Variants in LRRC49 observed in about 807,000 individuals in gnomAD.
The protein encoded by LRRC49 is leucine rich repeat containing 49, also known as leucine-rich repeat-containing protein 49.
A neutral mutation model predicts 83.3 loss-of-function variants in LRRC49; 50 were observed. The ratio of observed to expected loss-of-function variants is 0.60; its 90% CI spans 0.48 to 0.76. The LOEUF is 0.76. Ranked by LOEUF, LRRC49 falls within the 30% of genes least tolerant of loss-of-function variation. The probability of loss-of-function intolerance (pLI) is 0.00; values close to 1 mark genes in which losing one functional copy is unlikely to be tolerated. For synonymous variants in LRRC49, 286 were observed against 283.3 expected (o/e 1.01, Z -0.10); for missense variants, 704 against 809.1 (o/e 0.87, Z 1.58).
chr15:70,958,286 G>A (rs2141189862), intron 8 of LRRC49, among the ~76,000 whole-genome samples: 1 of 152,076 alleles, frequency 6.6e-6, no homozygotes, highest in East Asian at 1.9e-4. Flanking sequence ...ATTAATTTGT[G>A]ATTTTTCTAA....
At chr15:71,037,678 G>T (rs2039567688) in intron 15 of LRRC49, among the ~76,000 whole-genome samples, 1 of 152,162 alleles carries the variant, frequency 6.6e-6, no homozygotes, top group African/African-American at 2.4e-5. Context: ...TAGGTACTTA[G>T]CCACATCATG....
At chr15:70,904,853 G>A in intron 5 of LRRC49, 98 bp downstream of exon 5, 1 of 881,240 alleles carries the variant, frequency 1.1e-6, no homozygotes, top group Non-Finnish European at 1.7e-6. Flanking sequence ...AAATGAATAG[G>A]CTAAAATTTT....
At chr15:70,866,082 C>T (rs2032903713) in intron 1 of LRRC49, among the ~76,000 whole-genome samples, 3 of 152,004 alleles carry the variant, frequency 2.0e-5, no homozygotes, top group Admixed American at 2.0e-4. Flanking sequence ...ACTCTAATCT[C>T]ATTGTATCCC....
At chr15:70,856,702 T>G (rs146808357) in intron 1 of LRRC49, among the ~76,000 whole-genome samples, 59 of 152,202 alleles carry the variant, frequency 3.9e-4, no homozygotes, top group African/African-American at 1.4e-3. Flanking sequence ...GAAGTCCAAC[T>G]CGATCACGTT....
chr15:71,049,774 G>GA lies in LRRC49; in HGVS notation c.*164dup, dbSNP rs2039965320. 3 of 570,810 alleles carry GA rather than the reference G, an allele frequency of 5.3e-6. No individual in the cohort carries two copies. In the Admixed American group the frequency reaches 1.0e-4, roughly 20 times the overall value. 35.4% of individuals were successfully genotyped at this position (570,810 alleles called of 1,614,324 possible). On this transcript the variant is annotated 3_prime_UTR_variant, in exon 16 of 16. Transcript: ENST00000260382. ...GTTCTCATAGCTAAAAGTTAAGAAG[G>GA]AAGGAAGGAAAGCAGGAGAAAGGAA...
At chr15:70,943,356 G>C (rs1442369341) in intron 8 of LRRC49, among the ~76,000 whole-genome samples, 1 of 152,182 alleles carries the variant, frequency 6.6e-6, no homozygotes, top group Non-Finnish European at 1.5e-5. Context: ...GCAAGTTTTA[G>C]AGCAGGAGTG....
chr15:70,985,150 T>C (rs2037557464), intron 11 of LRRC49, among the ~76,000 whole-genome samples: 1 of 150,456 alleles, frequency 6.6e-6, no homozygotes, highest in East Asian at 2.0e-4. Flanking sequence ...TACCCAGTAA[T>C]GGGATGGCTG....
chr15:70,946,070 T>C (rs544668300), intron 8 of LRRC49, among the ~76,000 whole-genome samples: 2 of 152,282 alleles, frequency 1.3e-5, no homozygotes, highest in East Asian at 3.9e-4. Flanking sequence ...CCTCACATAC[T>C]TATCTTTTTT....
chr15:70,923,304 A>G, intron 7 of LRRC49, among the ~76,000 whole-genome samples: 1 of 151,868 alleles, frequency 6.6e-6, no homozygotes, highest in East Asian at 1.9e-4. Context: ...TTACTTATTT[A>G]TTGCCTGGTA....
chr15:70,882,370 G>T, intron 2 of LRRC49: 3 of 1,225,040 alleles, frequency 2.4e-6, no homozygotes, highest in Non-Finnish European at 3.4e-6. Flanking sequence ...ATCTTGAAGT[G>T]AAAGATTTAC....
chr15:71,031,585 G>A (rs770945077), intron 14 of LRRC49, among the ~76,000 whole-genome samples: 5 of 152,188 alleles, frequency 3.3e-5, no homozygotes, highest in Non-Finnish European at 7.3e-5. Flanking sequence ...AGGCAGGAAC[G>A]ATTAAATCCA....
chr15:70,916,406 T>G (rs886772742), intron 6 of LRRC49, among the ~76,000 whole-genome samples: 2 of 152,186 alleles, frequency 1.3e-5, no homozygotes, highest in Non-Finnish European at 2.9e-5. Flanking sequence ...GTGATTCTCT[T>G]GCCTTAGCCT....
chr15:70,857,013 T>C (rs1177553905), intron 1 of LRRC49, among the ~76,000 whole-genome samples: 7 of 152,186 alleles, frequency 4.6e-5, no homozygotes, highest in Non-Finnish European at 1.0e-4. Flanking sequence ...CTGAGATGAT[T>C]AGCAAAGCCT....
rs1365960329 is a variant in LRRC49 at position 71,050,338 on chromosome 15, G to A, written c.*726G>A. 6.6e-6 allele frequency: 1 copy of A among 152,176 alleles called. No individual in the cohort carries two copies. The highest frequency in any genetic ancestry group is 1.5e-5 in the Non-Finnish European group (1 of 68,020). The allele number at this position is 152,176 out of a possible 1,614,324, so 9.4% of individuals were successfully genotyped here. A position where few individuals can be genotyped will look rare whatever the true frequency, so the allele number is the denominator to read the frequency against. On this transcript the variant is annotated 3_prime_UTR_variant, in exon 16 of 16. Transcript: ENST00000260382. ...AATGCTGTTACAAAGCAGTAAATCTGCTTCTCTGAAAGATGTTTCCTTCCA... is the reference window on the plus strand; with the variant it reads ...AATGCTGTTACAAAGCAGTAAATCTACTTCTCTGAAAGATGTTTCCTTCCA...
intron 8 of LRRC49, among the ~76,000 whole-genome samples, chr15:70,954,282 A>G (rs966950616): frequency 5.9e-5 from 9 of 152,180 alleles, no homozygotes; most frequent in Admixed American, 4.6e-4. Flanking sequence ...TTTCATTTCC[A>G]GAAGTTCAGT....
rs1166081858 is a variant in LRRC49, at chr15:70,893,593, G to A, written c.58G>A (p.Gly20Arg). ...AATTTTTACATTTCAGGTGAACTGC[G>A]GGCTTCATCTGGTTATTCAAACATC... is the stretch of plus-strand genomic sequence containing the variant. ...SGRAANNVNC[G>R]LHLVIQTSSL... The change falls in exon 2 of 16, where the codon GGG becomes AGG. Residue 20 changes from glycine to arginine, a missense_variant. Gly to Arg is a moderately radical substitution (Grantham distance 125, BLOSUM62 -2). Coordinates refer to ENST00000260382, the MANE Select transcript of LRRC49 (RefSeq NM_017691.5). 1.2e-6 allele frequency: 2 copies of A among 1,608,244 alleles called. No homozygotes were observed. Among genetic ancestry groups the A allele is most frequent in the East Asian group, 4.5e-5 (2 of 44,776 alleles).
At chr15:70,997,232 T>C (rs1488706761) in intron 11 of LRRC49, among the ~76,000 whole-genome samples, 1 of 152,226 alleles carries the variant, frequency 6.6e-6, no homozygotes, top group Non-Finnish European at 1.5e-5. Context: ...GCATATACCT[T>C]TATAATTGTT....
intron 3 of LRRC49, chr15:70,900,613 C>T (rs1211175139): frequency 2.2e-6 from 1 of 464,534 alleles, no homozygotes; most frequent in African/African-American, 2.0e-5. Context: ...TAGTTATAGA[C>T]AGTTAGAATT....
At position 70,857,131 on chromosome 15, in the gene LRRC49, TAGCTCCTGAGGATGAAACAAAAGGA is replaced by T. The variant is rs1380198477; in HGVS notation, c.-299+3666_-299+3690del. Among the ~76,000 whole-genome samples the T allele has an allele frequency of 1.2e-4, 18 of 152,302 alleles. No homozygotes were observed. In the East Asian group the frequency reaches 3.3e-3, roughly 28 times the overall value. On this transcript the variant is annotated intron_variant, in intron 1 of 16. Coordinates refer to the LRRC49 transcript ENST00000544974. ...TCACAAGGGGAAACAGCTTTTTCCATAGCTCCTGAGGATGAAACAAAAGGAAGCACATTGACAAGCCATCAGGATG... is the reference window on the plus strand; with the variant it reads ...TCACAAGGGGAAACAGCTTTTTCCATAGCACATTGACAAGCCATCAGGATG...
Sources: allele counts gnomAD v4.1 joint callset (sites outside exome capture counted in the v4.1 genomes callset), GRCh38; gene constraint gnomAD v4.1.1; transcripts MANE v1.5; gene names NCBI Gene and HGNC (gene_info 2026-07-23, HGNC 2026-07-21).